The following UROS variants were observed in gnomAD, a reference collection of about 807,000 sequenced individuals.
The protein encoded by UROS is uroporphyrinogen-III synthase.
A neutral mutation model predicts 33.0 loss-of-function variants in UROS; 18 were observed. The ratio of observed to expected loss-of-function variants is 0.55; its 90% CI spans 0.38 to 0.81. The LOEUF is 0.81. UROS is among the 30% of genes least tolerant of loss of function. The probability of loss-of-function intolerance (pLI) is 0.00; values close to 1 mark genes in which losing one functional copy is unlikely to be tolerated. For synonymous variants in UROS, 114 were observed against 121.1 expected (o/e 0.94, Z 0.38); for missense variants, 293 against 314.9 (o/e 0.93, Z 0.53).
chr10:125,796,759 T>C (rs1851405162), intron 7 of UROS: 2 of 983,110 alleles, frequency 2.0e-6, no homozygotes, highest in Non-Finnish European at 1.2e-6. Context: ...TCAGGGCTGG[T>C]GATGAGGCGC....
Position 125,788,738 on chromosome 10 carries a change from G to GGT in UROS, c.*128_*129dup, listed in dbSNP as rs1187817259. 1.3e-5 allele frequency: 19 copies of GGT among 1,450,100 alleles called. No homozygotes were observed. The East Asian group carries it at 4.5e-4, about 34-fold the overall frequency. The allele number at this position is 1,450,100 out of a possible 1,614,324, so 89.8% of individuals were successfully genotyped here. ...GTCAGGTCCCGATCCCCGGTCCTCA[G>GGT]GTGCTTCCACTCAGGCTTGAGGCAG... On this transcript the variant is annotated 3_prime_UTR_variant, in exon 10 of 10. Transcript: ENST00000368797.
chr10:125,803,546 AG>A (rs1235450578), intron 6 of UROS, among the ~76,000 whole-genome samples: 1 of 152,254 alleles, frequency 6.6e-6, no homozygotes, highest in Non-Finnish European at 1.5e-5. Context: ...AAAAAGTCCC[AG>A]GAACAAGAGA....
At chr10:125,786,007 G>A (rs7073321), downstream of UROS, among the ~76,000 whole-genome samples, 455 of 152,298 alleles carry the variant, frequency 3.0e-3, 4 homozygotes, top group South Asian at 0.027. Flanking sequence ...GCCTGCTGGG[G>A]CGTTACTCTG....
intron 1 of UROS, among the ~76,000 whole-genome samples, chr10:125,822,353 T>C (rs1013743962): frequency 6.6e-6 from 1 of 151,662 alleles, no homozygotes; most frequent in African/African-American, 2.4e-5. Flanking sequence ...TCTACCTCTG[T>C]CGCCCAGGCT....
chr10:125,809,601 T>C (rs1852622242), intron 5 of UROS, among the ~76,000 whole-genome samples: 1 of 152,162 alleles, frequency 6.6e-6, no homozygotes, highest in Non-Finnish European at 1.5e-5. Flanking sequence ...CATTACAACA[T>C]TGATAAGGAA....
chr10:125,819,513 TCTC>T lies in UROS; in HGVS notation c.-26-2991_-26-2989del, dbSNP rs1275587868. Among the ~76,000 whole-genome samples, 47 of 152,216 alleles carry T rather than the reference TCTC, an allele frequency of 3.1e-4. 2 individuals are homozygous for T. In the South Asian group the frequency reaches 9.5e-3, roughly 31 times the overall value. ...CATCTGATCCCTGTGCAGTTTTTCT[TCTC>T]CTCCCTCTCTCCTGCTTACTAAACA... On this transcript the variant is annotated intron_variant, in intron 1 of 9. Coordinates refer to ENST00000368797, the MANE Select transcript of UROS (RefSeq NM_000375.3).
intron 1 of UROS, 47 bp from the exon 2 acceptor site, chr10:125,816,572 T>A: frequency 6.3e-7 from 1 of 1,590,234 alleles, no homozygotes; most frequent in Non-Finnish European, 8.6e-7. Context: ...TCAAAGACTC[T>A]TCCTAAGCAA....
chr10:125,803,650 G>A (rs1589964028), intron 6 of UROS, among the ~76,000 whole-genome samples: 2 of 152,208 alleles, frequency 1.3e-5, no homozygotes, highest in Non-Finnish European at 2.9e-5. Flanking sequence ...TTGTGTTCCC[G>A]TCTAGGCCTG....
intron 7 of UROS, 113 bp downstream of exon 7, chr10:125,797,952 C>T: frequency 7.7e-7 from 1 of 1,296,904 alleles, no homozygotes. Flanking sequence ...GCTTATCCAA[C>T]CCAGCCCTGC....
downstream of UROS, among the ~76,000 whole-genome samples, chr10:125,787,206 TC>T (rs775592279): frequency 1.8e-4 from 28 of 152,320 alleles, no homozygotes; most frequent in East Asian, 1.9e-3. Flanking sequence ...TGAACCTTTG[TC>T]CCCGATTCTG....
At chr10:125,797,463 T>TA (rs1468814348) in intron 7 of UROS, among the ~76,000 whole-genome samples, 1 of 152,234 alleles carries the variant, frequency 6.6e-6, no homozygotes, top group Non-Finnish European at 1.5e-5. Context: ...AATCTGTTTT[T>TA]ATCTCATCCG....
At chr10:125,822,793 T>TA (rs1046484023) in intron 1 of UROS, among the ~76,000 whole-genome samples, 83 of 152,282 alleles carry the variant, frequency 5.5e-4, no homozygotes, top group African/African-American at 1.9e-3. Context: ...GTGCCGGCTT[T>TA]AAAAAAACTT....
chr10:125,802,334 C>T, intron 6 of UROS: 1 of 986,048 alleles, frequency 1.0e-6, no homozygotes, highest in South Asian at 4.7e-5. Flanking sequence ...CTGTCTGTGG[C>T]TTCCCTGCAG....
intron 1 of UROS, among the ~76,000 whole-genome samples, chr10:125,821,347 A>G (rs949871977): frequency 6.6e-6 from 1 of 152,262 alleles, no homozygotes; most frequent in Non-Finnish European, 1.5e-5. Flanking sequence ...AGCATGGGAT[A>G]AACTTTGAAG....
At chr10:125,795,691 AACATCAAGGCCACTATTT>A (rs1851294941) in intron 8 of UROS, among the ~76,000 whole-genome samples, 1 of 152,188 alleles carries the variant, frequency 6.6e-6, no homozygotes, top group Non-Finnish European at 1.5e-5. Context: ...TAGCAATGAT[AACATCAAGGCCACTATTT>A]ACCTCAGGGT....
Position 125,789,011 on chromosome 10 carries a change from A to C in UROS, c.661-6T>G, listed in dbSNP as rs1243316830. ...GTGGGGCCGATGGCTGCAAACTATAAAGACAGAAGAGAAAACAGGGCTTCA... is the reference window on the plus strand; with the variant it reads ...GTGGGGCCGATGGCTGCAAACTATACAGACAGAAGAGAAAACAGGGCTTCA... On this transcript the variant is annotated splice_polypyrimidine_tract_variant and splice_region_variant and intron_variant, in intron 9 of 9. Coordinates refer to ENST00000368797, the MANE Select transcript of UROS (RefSeq NM_000375.3). 6 of 1,612,770 alleles carry C rather than the reference A, an allele frequency of 3.7e-6. No homozygotes were observed. The highest frequency in any genetic ancestry group is 5.1e-6 in the Non-Finnish European group (6 of 1,179,948).
chr10:125,818,836 G>A (rs1853593817), intron 1 of UROS, among the ~76,000 whole-genome samples: 1 of 152,152 alleles, frequency 6.6e-6, no homozygotes, highest in African/African-American at 2.4e-5. Flanking sequence ...TGCTCACCTT[G>A]TGGGAAAACA....
At chr10:125,803,339 G>C (rs1464238738) in intron 6 of UROS, among the ~76,000 whole-genome samples, 1 of 152,092 alleles carries the variant, frequency 6.6e-6, no homozygotes, top group Non-Finnish European at 1.5e-5. Context: ...TAGCATTTCT[G>C]TTATGCCCCC....
At chr10:125,789,072 A>G (rs371502251) in intron 9 of UROS, 67 bp from the exon 10 acceptor site, 2 of 1,590,196 alleles carry the variant, frequency 1.3e-6, no homozygotes, top group Admixed American at 3.3e-5. Flanking sequence ...AGGCAGCTGG[A>G]TGTGTGCAGG....
Sources: gnomAD v4.1 joint callset for allele counts (sites outside exome capture counted in the v4.1 genomes callset) on GRCh38, gnomAD v4.1.1 for gene constraint, MANE v1.5 for transcripts, NCBI Gene and HGNC (gene_info 2026-07-23, HGNC 2026-07-21) for gene names.